Variants in DOCK11 observed in about 807,000 individuals in gnomAD.
DOCK11 encodes the protein dedicator of cytokinesis 11.
In DOCK11, 70 loss-of-function variants were observed where a neutral mutation model predicts 169.1. The observed-to-expected ratio is 0.41, with a 90% CI of 0.34 to 0.51. The LOEUF is 0.51. Ranked by LOEUF, DOCK11 falls within the 20% of genes least tolerant of loss-of-function variation. The probability of loss-of-function intolerance (pLI) is 0.10; values close to 1 mark genes in which losing one functional copy is unlikely to be tolerated. For missense variants in DOCK11, 1,166 were observed against 1,538.8 expected (o/e 0.76, Z 4.05); for synonymous variants, 529 against 541.3 (o/e 0.98, Z 0.32).
At chrX:118,578,494 A>T (rs1333775820) in intron 12 of DOCK11, 31 bp from the exon 13 acceptor site, 1 of 1,199,791 alleles carries the variant, frequency 8.3e-7, no homozygotes. Flanking sequence ...AGATTACATA[A>T]GAAAGTCTAA....
intron 40 of DOCK11, among the ~76,000 whole-genome samples, chrX:118,645,622 A>G (rs978100248): frequency 6.4e-5 from 7 of 109,776 alleles, no homozygotes; most frequent in Non-Finnish European, 1.3e-4. Context: ...AGATCGCGCC[A>G]CTGCACTCCA....
rs900247727 is a variant in DOCK11, at chrX:118,545,462, C to T, written c.462+70C>T. ...ACGGTCACTTTGCTGAAAAAGATTT[C>T]AAAGGGAATTTCTTGAGAAAATATG... On this transcript the variant is annotated intron_variant, in intron 5 of 52. Transcript: ENST00000276202. 5.5e-5 allele frequency: 43 copies of T among 778,237 alleles called. No homozygotes were observed. The African/African-American group carries it at 7.7e-4, about 14-fold the overall frequency. The allele number at this position is 778,237 out of a possible 1,213,427, so 64.1% of individuals were successfully genotyped here.
chrX:118,501,433 C>T (rs1320113994), intron 1 of DOCK11, among the ~76,000 whole-genome samples: 1 of 112,277 alleles, frequency 8.9e-6, no homozygotes, highest in Middle Eastern at 4.2e-3. Flanking sequence ...TTGCAGTGAT[C>T]TGAGATCCCA....
At chrX:118,506,786 G>T (rs1200827387) in intron 1 of DOCK11, among the ~76,000 whole-genome samples, 1 of 112,499 alleles carries the variant, frequency 8.9e-6, no homozygotes, top group Non-Finnish European at 1.9e-5. Flanking sequence ...GATAAGTTCT[G>T]TTAAGGATAG....
chrX:118,549,382 G>GATCC (rs1405902496), intron 6 of DOCK11, among the ~76,000 whole-genome samples: 15 of 109,539 alleles, frequency 1.4e-4, no homozygotes, highest in Non-Finnish European at 3.8e-5. Context: ...GATCTCAAGT[G>GATCC]ATCCACCTAC....
At chrX:118,502,329 C>T (rs997410679) in intron 1 of DOCK11, among the ~76,000 whole-genome samples, 7 of 112,162 alleles carry the variant, frequency 6.2e-5, no homozygotes, top group African/African-American at 1.9e-4. Context: ...TGGAGCCACA[C>T]GTTTGCTTCC....
At chrX:118,543,474 C>T (rs764512420) in intron 3 of DOCK11, 37 bp from the exon 4 acceptor site, 1 of 1,085,324 alleles carries the variant, frequency 9.2e-7, no homozygotes, top group South Asian at 1.9e-5. Context: ...ATGTACTTTT[C>T]CTATATTTCA....
intron 29 of DOCK11, among the ~76,000 whole-genome samples, 191 bp from the exon 30 acceptor site, chrX:118,615,409 C>A (rs1280851554): frequency 1.8e-5 from 2 of 112,074 alleles, no homozygotes; most frequent in Non-Finnish European, 1.9e-5. Context: ...TAGATGCCAG[C>A]CAACAAGCAG....
intron 45 of DOCK11, among the ~76,000 whole-genome samples, chrX:118,666,813 G>GT (rs2016348439): frequency 9.0e-6 from 1 of 111,653 alleles, no homozygotes; most frequent in East Asian, 2.8e-4. Context: ...TGGTTGGACC[G>GT]TTTTATACTG....
At chrX:118,643,777 A>T (rs1307135369) in intron 40 of DOCK11, among the ~76,000 whole-genome samples, 183 bp downstream of exon 40, 2 of 111,928 alleles carry the variant, frequency 1.8e-5, no homozygotes, top group Non-Finnish European at 3.8e-5. Context: ...GAACCCCCTC[A>T]AATCAGAAGC....
At chrX:118,606,274 G>T (rs1207768891) in intron 24 of DOCK11, among the ~76,000 whole-genome samples, 1 of 110,754 alleles carries the variant, frequency 9.0e-6, no homozygotes, top group African/African-American at 3.3e-5. Context: ...TCACCATGTT[G>T]GTCGGGCTGG....
At chrX:118,662,136 C>T (rs2016230080) in intron 44 of DOCK11, among the ~76,000 whole-genome samples, 2 of 111,808 alleles carry the variant, frequency 1.8e-5, no homozygotes, top group Admixed American at 9.5e-5. Context: ...CTATGTAACT[C>T]CAAAAGTGGT....
At position 118,599,192 on chromosome X, in the gene DOCK11, G is replaced by A. The variant is rs769614070; in HGVS notation, c.2526G>A (p.Ser842=). The change falls in exon 23 of 53, where the codon TCG becomes TCA. Residue 842 remains serine (S), a synonymous_variant. Coordinates refer to ENST00000276202, the MANE Select transcript of DOCK11 (RefSeq NM_144658.4). ...FHHCQLIQSG[S]KEVPGELIKY... Reference sequence around the variant, plus strand: ...ATTGCCAGCTGATTCAGTCAGGCTCGAAAGAAGTTCCAGGGGAGCTCATTA... The same window carrying A: ...ATTGCCAGCTGATTCAGTCAGGCTCAAAAGAAGTTCCAGGGGAGCTCATTA... 1.4e-5 allele frequency: 17 copies of A among 1,208,178 alleles called. No individual in the cohort carries two copies. Among genetic ancestry groups the A allele is most frequent in the East Asian group, 5.9e-5 (2 of 33,738 alleles).
intron 1 of DOCK11, among the ~76,000 whole-genome samples, chrX:118,507,904 A>G (rs1603020016): frequency 9.0e-6 from 1 of 111,427 alleles, no homozygotes; most frequent in East Asian, 2.8e-4. Context: ...TGGAGTAACC[A>G]TGTGAAGAAA....
At chrX:118,647,940 T>TTATAATATATAATATATTATTATAA (rs2015789736) in intron 40 of DOCK11, among the ~76,000 whole-genome samples, 1 of 29,986 alleles carries the variant, frequency 3.3e-5, no homozygotes, top group Non-Finnish European at 4.8e-5. Flanking sequence ...ATAATATATT[T>TTATAATATATAATATATTATTATAA]TATAATATAT....
intron 24 of DOCK11, among the ~76,000 whole-genome samples, chrX:118,605,798 A>T (rs1240129879): frequency 1.8e-5 from 2 of 112,013 alleles, no homozygotes; most frequent in Non-Finnish European, 3.8e-5. Flanking sequence ...ATTTGGTCTA[A>T]GTGTAGTTCA....
intron 35 of DOCK11, among the ~76,000 whole-genome samples, chrX:118,634,445 C>T (rs757278253): frequency 1.8e-3 from 202 of 112,692 alleles, no homozygotes; most frequent in African/African-American, 6.2e-3. Flanking sequence ...TTTCACAGAC[C>T]TTCTCCGAAG....
chrX:118,614,274 C>T (rs1435419918), intron 28 of DOCK11, among the ~76,000 whole-genome samples: 3 of 111,771 alleles, frequency 2.7e-5, no homozygotes, highest in Non-Finnish European at 5.6e-5. Context: ...CATCAGCTAA[C>T]AGACTACCTT....
chrX:118,516,018 T>TATATATATATATATATATATGC lies in DOCK11; in HGVS notation c.102+19946_102+19947insTATATATATATATATATATGCA, dbSNP rs1269373292. On this transcript the variant is annotated intron_variant, in intron 1 of 52. Transcript: ENST00000276202. ...GGATTTGGGCAAATATATATATATA[T>TATATATATATATATATATATGC]ACATTCTTACACCAGAAAACTGTGC... Among the ~76,000 whole-genome samples, 6 of 81,501 alleles carry TATATATATATATATATATATGC rather than the reference T, an allele frequency of 7.4e-5. 1 individual carries two copies. Among genetic ancestry groups the TATATATATATATATATATATGC allele is most frequent in the African/African-American group, 3.1e-4 (6 of 19,112 alleles). The allele number at this position is 81,501 out of a possible 115,157, so 70.8% of individuals were successfully genotyped here.
Sources: allele counts gnomAD v4.1 joint callset (sites outside exome capture counted in the v4.1 genomes callset), GRCh38; gene constraint gnomAD v4.1.1; transcripts MANE v1.5; gene names NCBI Gene and HGNC (gene_info 2026-07-23, HGNC 2026-07-21).